Variants in MTRF1L observed in about 807,000 individuals in gnomAD.
The protein encoded by MTRF1L is peptide chain release factor 1-like, mitochondrial.
MTRF1L carries 29 observed loss-of-function variants against 40.0 expected under a neutral mutation model. The observed-to-expected ratio is 0.73, with a 90% CI of 0.54 to 0.99. The LOEUF (loss-of-function observed/expected upper bound fraction) is 0.99. Among genes scored for constraint, MTRF1L ranks in the 50% least tolerant of loss-of-function variants. The pLI is 0.00. For missense variants in MTRF1L, 412 were observed against 464.5 expected, an observed-to-expected ratio of 0.89 and a Z score of 1.04; for synonymous variants, 150 against 175.8, an observed-to-expected ratio of 0.85 and a Z score of 1.16.
intron 4 of MTRF1L, 31 bp downstream of exon 4, chr6:152,994,482 G>GGGATT (rs1778639046): frequency 6.3e-7 from 1 of 1,575,430 alleles, no homozygotes; most frequent in South Asian, 1.2e-5. Context: ...TGCTAGGCCC[G>GGGATT]GGATTCCAAG....
intron 5 of MTRF1L, 119 bp from the exon 6 acceptor site, chr6:152,991,440 G>T: frequency 8.5e-7 from 1 of 1,178,230 alleles, no homozygotes; most frequent in Non-Finnish European, 1.1e-6. Context: ...AAAAACAGAG[G>T]ACTCTAATAA....
rs908190719 is a variant in MTRF1L, at chr6:152,989,480, AG to A, written c.*414del. 5.5e-5 allele frequency: 7 copies of A among 128,016 alleles called. No homozygotes were observed. Among genetic ancestry groups the A allele is most frequent in the Admixed American group, 2.5e-4 (3 of 11,802 alleles). The allele number at this position is 128,016 out of a possible 1,614,324, so 7.9% of individuals were successfully genotyped here. On this transcript the variant is annotated 3_prime_UTR_variant, in exon 7 of 7. Coordinates refer to ENST00000367233, the MANE Select transcript of MTRF1L (RefSeq NM_019041.7). ...ACAGATGGTCACCAACTTATGTTTTAGGATTTTTTGACTTTATGATGGGTTT... is the reference window on the plus strand; with the variant it reads ...ACAGATGGTCACCAACTTATGTTTTAGATTTTTTGACTTTATGATGGGTTT...
intron 5 of MTRF1L, among the ~76,000 whole-genome samples, chr6:152,991,705 C>T (rs1036589138): frequency 6.6e-6 from 1 of 152,126 alleles, no homozygotes; most frequent in Non-Finnish European, 1.5e-5. Context: ...CGCCATCACG[C>T]CCGGCTAATT....
chr6:152,998,421 G>A, intron 2 of MTRF1L, 129 bp downstream of exon 2: 1 of 601,654 alleles, frequency 1.7e-6, no homozygotes, highest in East Asian at 3.4e-5. Flanking sequence ...AATAAATCTA[G>A]AAAATAAATT....
At chr6:153,001,328 G>C (rs1778909740) in intron 1 of MTRF1L, among the ~76,000 whole-genome samples, 1 of 152,056 alleles carries the variant, frequency 6.6e-6, no homozygotes, top group African/African-American at 2.4e-5. Context: ...GGCCTTGTTA[G>C]ACTTGTTTCT....
chr6:153,000,337 C>T (rs1778867029), intron 1 of MTRF1L, among the ~76,000 whole-genome samples: 1 of 152,028 alleles, frequency 6.6e-6, no homozygotes, highest in Non-Finnish European at 1.5e-5. Context: ...CTTTTTATAC[C>T]AGGTGTTTGA....
chr6:152,992,742 A>G (rs889913001), intron 5 of MTRF1L, 115 bp downstream of exon 5: 38 of 737,658 alleles, frequency 5.2e-5, no homozygotes, highest in Non-Finnish European at 7.8e-5. Context: ...TTTAATAACA[A>G]TCCTTAGAAG....
intron 2 of MTRF1L, chr6:152,998,273 G>T: frequency 1.1e-5 from 2 of 185,760 alleles, no homozygotes; most frequent in Non-Finnish European, 2.2e-5. Context: ...TTAGTATGAT[G>T]AAAACAGGAC....
chr6:153,002,687 C>A lies in MTRF1L; in HGVS notation c.-2G>T. ...GCCCCACAGAACCCGGGACCGCATC[C>A]TTAGTCCGAGATCGCGGACCCTGAC... On this transcript the variant is annotated 5_prime_UTR_variant, in exon 1 of 7. It adds an upstream start codon to the 5' untranslated region. Coordinates refer to ENST00000367233, the MANE Select transcript of MTRF1L (RefSeq NM_019041.7). 5 of 1,480,866 alleles carry A rather than the reference C, an allele frequency of 3.4e-6. No individual in the cohort carries two copies. The highest frequency in any genetic ancestry group is 4.5e-6 in the Non-Finnish European group (5 of 1,121,064). 91.7% of individuals were successfully genotyped at this position (1,480,866 alleles called of 1,614,324 possible). A position where few individuals can be genotyped will look rare whatever the true frequency, so the allele number is the denominator to read the frequency against.
chr6:153,000,647 TCACCC>T (rs1180228438), intron 1 of MTRF1L, among the ~76,000 whole-genome samples: 4 of 152,328 alleles, frequency 2.6e-5, no homozygotes, highest in African/African-American at 9.6e-5. Flanking sequence ...CTGCTTATTG[TCACCC>T]CTCTTTTCCC....
chr6:152,995,477 G>A (rs1778686134), intron 2 of MTRF1L, among the ~76,000 whole-genome samples, 158 bp from the exon 3 acceptor site: 1 of 152,140 alleles, frequency 6.6e-6, no homozygotes, highest in Admixed American at 6.5e-5. Flanking sequence ...AATTAGAACT[G>A]TATAATGTGT....
rs1778420678 is a variant in MTRF1L, at chr6:152,989,200, C to A, written c.*695G>T. On this transcript the variant is annotated 3_prime_UTR_variant, in exon 7 of 7. Coordinates refer to ENST00000367233, the MANE Select transcript of MTRF1L (RefSeq NM_019041.7). ...CTTTCATCCCTCTTAAAAGTTAATA[C>A]CATTATCAGTTAACAGTTTTTATAT... 1.8e-5 allele frequency: 1 copy of A among 56,594 alleles called. No individual in the cohort carries two copies. The highest frequency in any genetic ancestry group is 6.2e-4 in the South Asian group (1 of 1,608). 3.5% of individuals were successfully genotyped at this position (56,594 alleles called of 1,614,324 possible). A position where few individuals can be genotyped will look rare whatever the true frequency, so the allele number is the denominator to read the frequency against.
Position 152,992,950 on chromosome 6 carries a change from C to G in MTRF1L, c.712G>C (p.Asp238His). The change falls in exon 5 of 7, where the codon GAT becomes CAT. Residue 238 changes from aspartate (D) to histidine (H), a missense_variant. By Grantham distance (81) the Asp-to-His change is moderately conservative. Transcript: ENST00000367233. The part of the protein sequence containing the change: ...TEINLVINPK[D>H]LRIDTKRASG... Reference sequence around the variant, plus strand: ...GCTCGCTTAGTGTCAATTCTCAAATCTTTCGGATTAATCACCAGATTAATC... The same window carrying G: ...GCTCGCTTAGTGTCAATTCTCAAATGTTTCGGATTAATCACCAGATTAATC... The G allele has an allele frequency of 1.9e-6, 3 of 1,613,424 alleles. No homozygotes were observed. Among genetic ancestry groups the G allele is most frequent in the Non-Finnish European group, 2.5e-6 (3 of 1,179,978 alleles).
At chr6:153,000,919 G>A (rs1378702687) in intron 1 of MTRF1L, among the ~76,000 whole-genome samples, 1 of 143,430 alleles carries the variant, frequency 7.0e-6, no homozygotes, top group Non-Finnish European at 1.5e-5. Context: ...TGTCACCCAG[G>A]CTGGAATGCA....
intron 1 of MTRF1L, among the ~76,000 whole-genome samples, chr6:153,002,151 G>C (rs1444895633): frequency 6.6e-6 from 1 of 152,160 alleles, no homozygotes; most frequent in East Asian, 1.9e-4. Flanking sequence ...CACAGGGACA[G>C]TGCCTTATTT....
At position 152,992,991 on chromosome 6, in the gene MTRF1L, T is replaced by C. The variant is rs200791146; in HGVS notation, c.688-17A>G. The C allele has an allele frequency of 3.1e-6, 5 of 1,602,224 alleles. No individual in the cohort carries two copies. The highest frequency in any genetic ancestry group is 4.3e-6 in the Non-Finnish European group (5 of 1,170,524). ...CAGATTAATCTATACAGAAGAAAAGTTGGGATTTTAAAAGATTACATGTAT... is the reference window on the plus strand; with the variant it reads ...CAGATTAATCTATACAGAAGAAAAGCTGGGATTTTAAAAGATTACATGTAT... On this transcript the variant is annotated splice_polypyrimidine_tract_variant and intron_variant, in intron 4 of 6. Transcript: ENST00000367233.
In MTRF1L at chr6:153,002,545, G is replaced by A. The variant is rs757275591; in HGVS notation, c.141C>T (p.Leu47=). The A allele has an allele frequency of 5.0e-6, 8 of 1,599,006 alleles. No individual in the cohort carries two copies. The highest frequency in any genetic ancestry group is 2.7e-5 in the African/African-American group (2 of 74,364). Reference sequence around the variant, plus strand: ...GGGCTTCAGACCCCGCCTGGCGCTCGAGGAAGGTCCGCAAGGGCCCGCCCC... The same window carrying A: ...GGGCTTCAGACCCCGCCTGGCGCTCAAGGAAGGTCCGCAAGGGCCCGCCCC... ...FTRGGPLRTF[L]ERQAGSEAHL... is the part of the protein sequence containing the mutation. Residue 47 remains leucine (L), a synonymous_variant, in exon 1 of 7, where the codon CTC becomes CTT. Transcript: ENST00000367233.
intron 6 of MTRF1L, 155 bp from the exon 7 acceptor site, chr6:152,990,250 A>T: frequency 9.3e-7 from 1 of 1,077,674 alleles, no homozygotes; most frequent in Non-Finnish European, 1.3e-6. Context: ...ACATGGGAAC[A>T]TGATATAGAA....
At chr6:152,992,013 C>T (rs9384062) in intron 5 of MTRF1L, among the ~76,000 whole-genome samples, 104,645 of 152,058 alleles carry the variant, frequency 0.69, 36,076 homozygotes, top group Admixed American at 0.73. Flanking sequence ...AATCACTTAA[C>T]TTTTTTAGGC....
Sources: gnomAD v4.1 joint callset for allele counts (sites outside exome capture counted in the v4.1 genomes callset) on GRCh38, gnomAD v4.1.1 for gene constraint, MANE v1.5 for transcripts, NCBI Gene and HGNC (gene_info 2026-07-23, HGNC 2026-07-21) for gene names.